The following CLNK variants were observed in gnomAD, a reference collection of about 807,000 sequenced individuals.
The protein encoded by CLNK is cytokine-dependent hematopoietic cell linker.
Under a neutral mutation model 68.6 loss-of-function variants are expected in CLNK, and 74 were observed. That is an observed-to-expected ratio of 1.08 (90% CI 0.89 to 1.31). CLNK has a LOEUF of 1.31. Ranked by LOEUF, CLNK falls within the 50% of genes most tolerant of loss-of-function variation. The probability of loss-of-function intolerance (pLI) is 0.00; values close to 1 mark genes in which losing one functional copy is unlikely to be tolerated. For missense variants in CLNK, 553 were observed against 515.3 expected, an observed-to-expected ratio of 1.07 and a Z score of -0.71; for synonymous variants, 198 against 172.2, an observed-to-expected ratio of 1.15 and a Z score of -1.17.
At chr4:10,579,876 G>A (rs761125326) in intron 4 of CLNK, among the ~76,000 whole-genome samples, 2 of 152,124 alleles carry the variant, frequency 1.3e-5, no homozygotes, top group Non-Finnish European at 2.9e-5. Context: ...TTATTCACGG[G>A]CTACATGAAT....
chr4:10,598,173 A>T lies in CLNK; in HGVS notation c.12-124T>A. The T allele has an allele frequency of 4.6e-6, 3 of 656,084 alleles. No individual in the cohort carries two copies. The South Asian group carries it at 5.8e-5, about 13-fold the overall frequency. 40.6% of individuals were successfully genotyped at this position (656,084 alleles called of 1,614,324 possible). On this transcript the variant is annotated intron_variant, in intron 2 of 18. Transcript: ENST00000226951. ...ATTTAAGTAATTATGTCTCACACAT[A>T]ATTCTGAATCTCTCTTTGCATTACC... is the stretch of plus-strand genomic sequence containing the variant.
At chr4:10,625,760 A>C (rs1438084903) in intron 2 of CLNK, among the ~76,000 whole-genome samples, 2 of 152,172 alleles carry the variant, frequency 1.3e-5, no homozygotes, top group Non-Finnish European at 2.9e-5. Context: ...AGAGTGACAG[A>C]GACAGAGGCA....
chr4:10,498,664 A>C (rs913524696), intron 18 of CLNK, among the ~76,000 whole-genome samples: 1 of 152,212 alleles, frequency 6.6e-6, no homozygotes, highest in Non-Finnish European at 1.5e-5. Context: ...CAGGAATAGT[A>C]ATGAAAATAT....
chr4:10,617,064 T>C (rs555262774), intron 2 of CLNK, among the ~76,000 whole-genome samples: 1 of 152,186 alleles, frequency 6.6e-6, no homozygotes, highest in Admixed American at 6.5e-5. Context: ...ACAGTATTAG[T>C]GTCTTAGTTG....
intron 15 of CLNK, chr4:10,517,458 A>T (rs1015641444): frequency 6.6e-6 from 1 of 152,218 alleles, no homozygotes; most frequent in African/African-American, 2.4e-5. Context: ...CTTCTAACAT[A>T]TAATGACAGA....
At chr4:10,610,727 C>T (rs189099696) in intron 2 of CLNK, among the ~76,000 whole-genome samples, 19 of 150,848 alleles carry the variant, frequency 1.3e-4, no homozygotes, top group Admixed American at 1.3e-3. Flanking sequence ...GGTGGTCATG[C>T]CTGAAAGATT....
intron 17 of CLNK, among the ~76,000 whole-genome samples, chr4:10,507,232 C>T (rs1717342025): frequency 6.6e-6 from 1 of 151,946 alleles, no homozygotes; most frequent in Non-Finnish European, 1.5e-5. Flanking sequence ...TTGTCTCAGC[C>T]TCCCGAGTAG....
intron 1 of CLNK, among the ~76,000 whole-genome samples, chr4:10,669,238 TA>T (rs1724531727): frequency 6.6e-6 from 1 of 152,228 alleles, no homozygotes; most frequent in Admixed American, 6.5e-5. Flanking sequence ...AAGCCACTTC[TA>T]AAACTAAGTA....
the CLNK span, among the ~76,000 whole-genome samples, chr4:10,731,864 G>C: frequency 6.6e-6 from 1 of 152,198 alleles, no homozygotes; most frequent in Non-Finnish European, 1.5e-5. Context: ...ATCTAACGTA[G>C]TCTGAAGTTT....
chr4:10,700,589 A>G, the CLNK span, among the ~76,000 whole-genome samples: 5 of 152,206 alleles, frequency 3.3e-5, no homozygotes, highest in African/African-American at 1.2e-4. Flanking sequence ...AACACATAGA[A>G]AAGAGAAGGA....
intron 8 of CLNK, among the ~76,000 whole-genome samples, chr4:10,550,419 C>G (rs1389455464): frequency 6.6e-6 from 1 of 152,032 alleles, no homozygotes; most frequent in East Asian, 1.9e-4. Flanking sequence ...GGTGTGAACC[C>G]GGGAGGCGGA....
chr4:10,678,444 A>G lies in CLNK; in HGVS notation c.-43+6224T>C, dbSNP rs550647889. On this transcript the variant is annotated intron_variant, in intron 1 of 18. Transcript: ENST00000226951. ...AAATTTGGCTAGGAAGGTATTCCAA[A>G]ATAATTTCTATTATTTTTCATTAAA... Among the ~76,000 whole-genome samples, 7 of 152,358 alleles carry G rather than the reference A, an allele frequency of 4.6e-5. 1 individual carries two copies. In the South Asian group the frequency reaches 1.5e-3, roughly 32 times the overall value.
chr4:10,590,761 G>A (rs1721154088), intron 3 of CLNK, among the ~76,000 whole-genome samples: 1 of 152,168 alleles, frequency 6.6e-6, no homozygotes, highest in Non-Finnish European at 1.5e-5. Context: ...AGGATGGAAA[G>A]TTTCTGCATT....
intron 17 of CLNK, among the ~76,000 whole-genome samples, chr4:10,506,019 C>T (rs983631994): frequency 6.6e-6 from 1 of 152,172 alleles, no homozygotes; most frequent in Non-Finnish European, 1.5e-5. Flanking sequence ...CCTCCTTCAA[C>T]AGTGACCATT....
At chr4:10,656,266 G>T (rs1359029741) in intron 2 of CLNK, among the ~76,000 whole-genome samples, 1 of 128,938 alleles carries the variant, frequency 7.8e-6, no homozygotes, top group Non-Finnish European at 1.6e-5. Flanking sequence ...GTCACAAAAT[G>T]AGAAAAGTGT....
chr4:10,704,857 G>A, the CLNK span, among the ~76,000 whole-genome samples: 31 of 152,200 alleles, frequency 2.0e-4, 1 homozygote, highest in Admixed American at 2.0e-3. Context: ...CAATAGGTTT[G>A]CAGCACATGT....
intron 2 of CLNK, among the ~76,000 whole-genome samples, chr4:10,633,183 C>G (rs1178522163): frequency 6.6e-6 from 1 of 152,214 alleles, no homozygotes; most frequent in Non-Finnish European, 1.5e-5. Flanking sequence ...GGTGATCTGC[C>G]TGCCTCGGCC....
At chr4:10,509,105 CAAAAAAAAA>C (rs35503820) in intron 16 of CLNK, among the ~76,000 whole-genome samples, 1 of 105,474 alleles carries the variant, frequency 9.5e-6, no homozygotes, top group African/African-American at 3.8e-5. Flanking sequence ...GACTCGGTCT[CAAAAAAAAA>C]AAAAAAAAAA....
chr4:10,565,974 C>T, intron 6 of CLNK, 35 bp downstream of exon 6: 1 of 1,604,728 alleles, frequency 6.2e-7, no homozygotes, highest in South Asian at 1.1e-5. Context: ...CATGTACATG[C>T]ATCTTCTTAT....
Sources: allele counts gnomAD v4.1 joint callset (sites outside exome capture counted in the v4.1 genomes callset), GRCh38; gene constraint gnomAD v4.1.1; transcripts MANE v1.5; gene names NCBI Gene and HGNC (gene_info 2026-07-23, HGNC 2026-07-21).